Variants in SMYD4 observed in about 807,000 individuals in gnomAD.
The protein encoded by SMYD4 is protein-lysine N-methyltransferase SMYD4.
Under a neutral mutation model 72.8 loss-of-function variants are expected in SMYD4, and 68 were observed. The observed-to-expected ratio is 0.93, with a 90% CI of 0.77 to 1.14. The LOEUF is 1.14. Among genes scored for constraint, SMYD4 ranks in the 50% most tolerant of loss-of-function variants. SMYD4 has a pLI of 0.00. For missense variants in SMYD4, 984 were observed against 1,003.7 expected (o/e 0.98, Z 0.27); for synonymous variants, 407 against 388.6 (o/e 1.05, Z -0.56).
intron 2 of SMYD4, among the ~76,000 whole-genome samples, chr17:1,817,327 C>G (rs12604039): frequency 3.3e-5 from 5 of 152,028 alleles, no homozygotes; most frequent in African/African-American, 9.6e-5. Flanking sequence ...CGTGAGCCAC[C>G]GCGCCTGGCC....
intron 2 of SMYD4, among the ~76,000 whole-genome samples, chr17:1,813,859 C>A (rs928416607): frequency 2.0e-5 from 3 of 152,062 alleles, no homozygotes; most frequent in Non-Finnish European, 4.4e-5. Context: ...AAAAAATATA[C>A]CTATTTTCCA....
chr17:1,816,748 C>T (rs1213664924), intron 2 of SMYD4, among the ~76,000 whole-genome samples: 1 of 151,858 alleles, frequency 6.6e-6, no homozygotes, highest in Non-Finnish European at 1.5e-5. Flanking sequence ...TGATCGCACA[C>T]TATGGCCTTT....
At chr17:1,823,502 A>G (rs889054996) in intron 2 of SMYD4, among the ~76,000 whole-genome samples, 5 of 151,426 alleles carry the variant, frequency 3.3e-5, no homozygotes, top group Admixed American at 2.6e-4. Flanking sequence ...AACAATGACT[A>G]TGTGTGTGCG....
In SMYD4 at chr17:1,779,990, G is replaced by C. The variant is rs1133109; in HGVS notation, c.*1296C>G. ...CCAGGCTAACATCCAGATGCCTGCA[G>C]ATCAGCTAAAATCCTTTTAAAGGAC... is the stretch of plus-strand genomic sequence containing the variant. On this transcript the variant is annotated 3_prime_UTR_variant, in exon 11 of 11. Coordinates refer to ENST00000305513, the MANE Select transcript of SMYD4 (RefSeq NM_052928.3). The C allele has an allele frequency of 1.3e-5, 2 of 152,404 alleles. No homozygotes were observed. The highest frequency in any genetic ancestry group is 2.9e-5 in the Non-Finnish European group (2 of 67,988). 9.4% of individuals were successfully genotyped at this position (152,404 alleles called of 1,614,324 possible).
intron 5 of SMYD4, among the ~76,000 whole-genome samples, chr17:1,794,009 A>ATG (rs1471477550): frequency 5.3e-5 from 4 of 75,166 alleles, no homozygotes; most frequent in Non-Finnish European, 1.0e-4. Context: ...ATATATATGT[A>ATG]TATATATATA....
At chr17:1,794,105 ATTTTTTTTT>A (rs59420310) in intron 5 of SMYD4, among the ~76,000 whole-genome samples, 1 of 12,982 alleles carries the variant, frequency 7.7e-5, no homozygotes, top group African/African-American at 3.6e-4. Flanking sequence ...ATATATATAT[ATTTTTTTTT>A]TTTTTTTTTT....
rs777993514 is a variant in SMYD4, at chr17:1,827,891, T to C, written c.104A>G (p.Asp35Gly). ...VTISTAETLRDIFLHSSSLLQ... is the reference protein window; with the variant it reads ...VTISTAETLRGIFLHSSSLLQ... ...AAGTGAAGAGGAGTGAAGAAAGATA[T>C]CCCTCAAGGTCTCTGCTGTAGAAAT... is the stretch of plus-strand genomic sequence containing the variant. The change falls in exon 2 of 11, where the codon GAT (aspartate) becomes GGT (glycine). Residue 35 changes from aspartate (D) to glycine (G), a missense_variant. By Grantham distance (94) the Asp-to-Gly change is moderately conservative. Coordinates refer to ENST00000305513, the MANE Select transcript of SMYD4 (RefSeq NM_052928.3). 6.2e-6 allele frequency: 10 copies of C among 1,609,406 alleles called. No individual in the cohort carries two copies. The highest frequency in any genetic ancestry group is 7.7e-6 in the Non-Finnish European group (9 of 1,176,146).
intron 2 of SMYD4, among the ~76,000 whole-genome samples, chr17:1,814,149 A>T (rs149195523): frequency 1.3e-5 from 2 of 151,936 alleles, no homozygotes; most frequent in Admixed American, 6.6e-5. Context: ...TACAAAAAAT[A>T]CAAAAATTAG....
At position 1,799,980 on chromosome 17, in the gene SMYD4, G is replaced by A. The variant is rs927360084; in HGVS notation, c.1414C>T (p.Gln472Ter). 36 of 1,614,042 alleles carry A rather than the reference G, an allele frequency of 2.2e-5. No individual in the cohort carries two copies. The highest frequency in any genetic ancestry group is 3.0e-5 in the Non-Finnish European group (35 of 1,180,034). ...IPTERIVNSS[Q>*]LKAAVTPELC... is the part of the protein sequence containing the mutation. ...TCAGGTGTCACTGCTGCTTTAAGCT[G>A]AGAGGAGTTCACAATCCTCTCAGTT... Residue 472 changes from glutamine to a stop codon, truncating the protein, a stop_gained, in exon 5 of 11, where the codon CAG becomes TAG. Transcript: ENST00000305513. LOFTEE classifies it high-confidence loss of function.
chr17:1,804,760 T>C, intron 3 of SMYD4, 45 bp from the exon 4 acceptor site: 1 of 1,580,332 alleles, frequency 6.3e-7, no homozygotes, highest in Non-Finnish European at 8.7e-7. Flanking sequence ...GACACCAGCA[T>C]CTCTGAAGAA....
intron 3 of SMYD4, among the ~76,000 whole-genome samples, chr17:1,809,073 C>T (rs577113664): frequency 2.8e-4 from 42 of 152,264 alleles, no homozygotes; most frequent in East Asian, 1.4e-3. Context: ...GACAGGGCCT[C>T]GCTGTGTTGC....
intron 7 of SMYD4, among the ~76,000 whole-genome samples, chr17:1,786,050 C>T (rs1279478956): frequency 6.6e-5 from 10 of 152,254 alleles, no homozygotes; most frequent in Admixed American, 6.5e-4. Context: ...CCTTGCCCTA[C>T]AGCTGAGGGT....
chr17:1,814,087 G>C (rs1330472225), intron 2 of SMYD4, among the ~76,000 whole-genome samples: 4 of 152,156 alleles, frequency 2.6e-5, no homozygotes, highest in Non-Finnish European at 5.9e-5. Context: ...AAAGAGGGAA[G>C]ATTGCCTGAG....
At chr17:1,818,198 T>C (rs1360000176) in intron 2 of SMYD4, among the ~76,000 whole-genome samples, 1 of 152,192 alleles carries the variant, frequency 6.6e-6, no homozygotes, top group East Asian at 1.9e-4. Flanking sequence ...AACACATTTT[T>C]TCTTTCTCCA....
At chr17:1,803,246 G>A (rs2151237359) in intron 4 of SMYD4, among the ~76,000 whole-genome samples, 1 of 152,328 alleles carries the variant, frequency 6.6e-6, no homozygotes, top group South Asian at 2.1e-4. Flanking sequence ...ACAGAAAGCT[G>A]ACCTCACAGG....
intron 5 of SMYD4, among the ~76,000 whole-genome samples, chr17:1,794,255 G>A (rs372139229): frequency 6.3e-5 from 9 of 143,928 alleles, no homozygotes; most frequent in East Asian, 4.0e-4. Flanking sequence ...GACTACAGGC[G>A]CCCACCACCA....
At chr17:1,794,095 ATATATATATATTTTTT>A (rs1909247605) in intron 5 of SMYD4, among the ~76,000 whole-genome samples, 3 of 18,516 alleles carry the variant, frequency 1.6e-4, no homozygotes, top group African/African-American at 5.6e-4. Context: ...ATATATATAT[ATATATATATATTTTTT>A]TTTTTTTTTT....
At chr17:1,798,989 C>T (rs1485458473) in intron 5 of SMYD4, among the ~76,000 whole-genome samples, 2 of 151,266 alleles carry the variant, frequency 1.3e-5, no homozygotes, top group African/African-American at 4.9e-5. Flanking sequence ...TTTTTACAAA[C>T]AGCCAGGCAC....
chr17:1,818,811 AC>A (rs577200450), intron 2 of SMYD4, among the ~76,000 whole-genome samples: 92 of 151,620 alleles, frequency 6.1e-4, no homozygotes, highest in African/African-American at 2.1e-3. Context: ...TGGCTAAATT[AC>A]TTTTTATTTT....
Sources: allele counts gnomAD v4.1 joint callset (sites outside exome capture counted in the v4.1 genomes callset), GRCh38; gene constraint gnomAD v4.1.1; transcripts MANE v1.5; gene names NCBI Gene and HGNC (gene_info 2026-07-23, HGNC 2026-07-21).